The following COPS6 variants were observed in gnomAD, a reference collection of about 807,000 sequenced individuals.
COPS6 encodes the protein COP9 signalosome subunit 6.
A neutral mutation model predicts 41.0 loss-of-function variants in COPS6; 9 were observed. That is an observed-to-expected ratio of 0.22 (90% CI 0.13 to 0.38). The LOEUF is 0.38. Ranked by LOEUF, COPS6 falls within the 10% of genes least tolerant of loss-of-function variation. COPS6 has a pLI of 1.00. For synonymous variants in COPS6, 179 were observed against 162.9 expected (o/e 1.10, Z -0.75); for missense variants, 302 against 436.7 (o/e 0.69, Z 2.75).
chr7:100,089,449 C>T (rs754138783), intron 2 of COPS6, 34 bp downstream of exon 2: 1 of 1,613,220 alleles, frequency 6.2e-7, no homozygotes, highest in East Asian at 2.2e-5. Context: ...GTCTCTTCTC[C>T]TTGCTCACCT....
chr7:100,091,490 C>G lies in COPS6; in HGVS notation c.813C>G (p.Ser271Arg). 6.2e-7 allele frequency: 1 copy of G among 1,614,198 alleles called. No homozygotes were observed. The highest frequency in any genetic ancestry group is 1.1e-5 in the South Asian group (1 of 91,092). ...TGTGTCACTGTCTCCCGGTGCTCAG[C>G]ACAGACAAGTTCAAGACAGATTTTT... ...YALCHCLPVL[S>R]TDKFKTDFYD... The change falls in exon 9 of 10, where the codon AGC becomes AGG. Residue 271 changes from serine (S) to arginine (R), a missense_variant. Ser to Arg is a moderately radical substitution (Grantham distance 110). This residue lies in a region of COPS6 where 222 missense variants were observed against 309.0 expected (regional missense o/e 0.72). Coordinates refer to ENST00000303904, the MANE Select transcript of COPS6 (RefSeq NM_006833.5). This position sits in a 1 kb window ranked among gnomAD's most constrained non-coding sequence, Gnocchi z 4.1.
chr7:100,091,021 G>A lies in COPS6; in HGVS notation c.535-17G>A. The stretch of plus-strand genomic sequence containing the variant: ...CCTGCTTTTGATTCTCCCTTTGTGG[G>A]TTACCTTGCCCTGTAGGCCACAATG... On this transcript the variant is annotated splice_polypyrimidine_tract_variant and intron_variant, in intron 6 of 9. Transcript: ENST00000303904. The surrounding 1 kb of genome is among the most constrained non-coding windows in gnomAD (Gnocchi z 4.1). 6.2e-7 allele frequency: 1 copy of A among 1,613,978 alleles called. No homozygotes were observed. The highest frequency in any genetic ancestry group is 1.1e-5 in the South Asian group (1 of 91,072).
Position 100,091,204 on chromosome 7 carries a change from G to C in COPS6, c.650-34G>C, listed in dbSNP as rs370980234. 77 of 1,613,620 alleles carry C rather than the reference G, an allele frequency of 4.8e-5. No individual in the cohort carries two copies. Among genetic ancestry groups the C allele is most frequent in the Middle Eastern group, 1.6e-4 (1 of 6,084 alleles). ...GGGTTGGAAGGTGTGGCCACATCCCGTCTCAACCTCCTCCTGTCCTCATCC... is the reference window on the plus strand; with the variant it reads ...GGGTTGGAAGGTGTGGCCACATCCCCTCTCAACCTCCTCCTGTCCTCATCC... On this transcript the variant is annotated intron_variant, in intron 7 of 9. Coordinates refer to ENST00000303904, the MANE Select transcript of COPS6 (RefSeq NM_006833.5). This position sits in a 1 kb window ranked among gnomAD's most constrained non-coding sequence, Gnocchi z 4.1.
At position 100,091,101 on chromosome 7, in the gene COPS6, G is replaced by T; in HGVS notation, c.598G>T (p.Val200Leu). The T allele has an allele frequency of 6.2e-7, 1 of 1,614,252 alleles. No individual in the cohort carries two copies. The highest frequency in any genetic ancestry group is 8.5e-7 in the Non-Finnish European group (1 of 1,180,040). ...CACAGAGGAAGCGGAACGCATTGGT[G>T]TAGACCACGTAGCCCGAATGACAGC... The part of the protein sequence containing the change: ...LATEEAERIG[V>L]DHVARMTATG... The change falls in exon 7 of 10, where the codon GTA becomes TTA. Residue 200 changes from valine (V) to leucine (L), a missense_variant. Transcript: ENST00000303904. This position sits in a 1 kb window ranked among gnomAD's most constrained non-coding sequence, Gnocchi z 4.1.
rs571882095 is a variant in COPS6, at chr7:100,088,992, T to TGGCGGC, written c.18_23dup (p.Ala9_Ala10dup). 6,910 of 1,309,556 alleles carry TGGCGGC rather than the reference T, an allele frequency of 5.3e-3. 38 individuals carry two copies. Among genetic ancestry groups the TGGCGGC allele is most frequent in the Middle Eastern group, 0.013 (62 of 4,910 alleles). 81.1% of individuals were successfully genotyped at this position (1,309,556 alleles called of 1,614,324 possible). On this transcript the variant is annotated inframe_insertion, in exon 1 of 10. Transcript: ENST00000303904. ...CCGAGGCTGGCGGGCGCGGGGAAAA[T>TGGCGGC]GGCGGCGGCGGCGGCGGCGGCTGCA...
intron 4 of COPS6, 28 bp downstream of exon 4, chr7:100,090,515 G>A (rs1261690445): frequency 6.2e-7 from 1 of 1,610,776 alleles, no homozygotes; most frequent in Non-Finnish European, 8.5e-7. Flanking sequence ...TGTGCATGCT[G>A]GGGCAGAGAA....
rs1795336872 is a variant in COPS6 at position 100,092,020 on chromosome 7, G to A, written c.*231G>A. ...GCCCTTCTGATGCTCTTCAGTGAGG[G>A]AGGCACTACCATTTGAAGTGACCCC... On this transcript the variant is annotated 3_prime_UTR_variant, in exon 10 of 10. Transcript: ENST00000303904. The A allele has an allele frequency of 1.8e-6, 1 of 568,068 alleles. No individual in the cohort carries two copies. The highest frequency in any genetic ancestry group is 3.1e-6 in the Non-Finnish European group (1 of 320,044). The allele number at this position is 568,068 out of a possible 1,614,324, so 35.2% of individuals were successfully genotyped here. A position where few individuals can be genotyped will look rare whatever the true frequency, so the allele number is the denominator to read the frequency against.
chr7:100,089,542 C>T lies in COPS6; in HGVS notation c.203-73C>T, dbSNP rs776811618. 1.3e-4 allele frequency: 200 copies of T among 1,598,080 alleles called. 1 individual carries two copies. Among genetic ancestry groups the T allele is most frequent in the Admixed American group, 3.7e-4 (21 of 57,016 alleles). On this transcript the variant is annotated intron_variant, in intron 2 of 9. Transcript: ENST00000303904. ...ATCATCGTTTCCCCAATACATGGTT[C>T]CCACTGATCTCAGACCCTCAGGTCA...
intron 3 of COPS6, chr7:100,089,958 G>A (rs1035432951): frequency 1.9e-6 from 1 of 525,172 alleles, no homozygotes; most frequent in Non-Finnish European, 3.4e-6. Context: ...GGATAGAAGG[G>A]AGTAGTTATT....
Position 100,091,609 on chromosome 7 carries a change from G to C in COPS6, c.844-40G>C. The C allele has an allele frequency of 1.2e-6, 2 of 1,613,934 alleles. No homozygotes were observed. Among genetic ancestry groups the C allele is most frequent in the Non-Finnish European group, 1.7e-6 (2 of 1,179,850 alleles). On this transcript the variant is annotated intron_variant, in intron 9 of 9. Coordinates refer to ENST00000303904, the MANE Select transcript of COPS6 (RefSeq NM_006833.5). This position sits in a 1 kb window ranked among gnomAD's most constrained non-coding sequence, Gnocchi z 4.1. ...GACTGTTGTTCCCCGGGCATGCCAC[G>C]AGGGATCCCGAGGAACTGGTCCTTT... is the stretch of plus-strand genomic sequence containing the variant.
At chr7:100,089,568 T>C (rs74881871) in intron 2 of COPS6, 47 bp from the exon 3 acceptor site, 4 of 1,603,910 alleles carry the variant, frequency 2.5e-6, no homozygotes, top group African/African-American at 1.3e-5. Context: ...CCTCAGGTCA[T>C]AGAAGTTTCT....
intron 4 of COPS6, 51 bp downstream of exon 4, chr7:100,090,538 G>A: frequency 6.2e-7 from 1 of 1,609,992 alleles, no homozygotes; most frequent in Non-Finnish European, 8.5e-7. Context: ...GAGAATGAGG[G>A]GAAGGAGAAA....
rs1795298581 is a variant in COPS6 at position 100,090,494 on chromosome 7, A to G, written c.423+7A>G. 3 of 1,612,904 alleles carry G rather than the reference A, an allele frequency of 1.9e-6. No homozygotes were observed. The highest frequency in any genetic ancestry group is 2.5e-6 in the Non-Finnish European group (3 of 1,178,862). On this transcript the variant is annotated splice_region_variant and intron_variant, in intron 4 of 9. Coordinates refer to ENST00000303904, the MANE Select transcript of COPS6 (RefSeq NM_006833.5). ...CATCCACGTCCATAAGCAGGTATGC[A>G]TGCTCACACCTGTGCATGCTGGGGC...
At chr7:100,090,117 A>G (rs1222302095) in intron 3 of COPS6, 3 of 465,000 alleles carry the variant, frequency 6.5e-6, no homozygotes, top group African/African-American at 2.0e-5. Context: ...TGGGAGGCCG[A>G]GGTGGGTGGA....
chr7:100,091,448 G>C lies in COPS6; in HGVS notation c.771G>C (p.Leu257=). 6.2e-7 allele frequency: 1 copy of C among 1,614,140 alleles called. No individual in the cohort carries two copies. The highest frequency in any genetic ancestry group is 8.5e-7 in the Non-Finnish European group (1 of 1,180,016). ...AGGTCCCCTTTAATCATGAGATCCT[G>C]CGGGAGGCCTATGCTCTGTGTCACT... ...AGEVPFNHEI[L]REAYALCHCL... Residue 257 remains leucine, a synonymous_variant, in exon 9 of 10, where the codon CTG becomes CTC. Coordinates refer to ENST00000303904, the MANE Select transcript of COPS6 (RefSeq NM_006833.5). The surrounding 1 kb of genome is among the most constrained non-coding windows in gnomAD (Gnocchi z 4.1).
At position 100,091,082 on chromosome 7, in the gene COPS6, G is replaced by A. The variant is rs747838841; in HGVS notation, c.579G>A (p.Glu193=). The A allele has an allele frequency of 1.2e-5, 19 of 1,614,130 alleles. No homozygotes were observed. In the South Asian group the frequency reaches 2.0e-4, roughly 17 times the overall value. Residue 193 remains glutamate, a synonymous_variant, in exon 7 of 10, where the codon GAG becomes GAA. Coordinates refer to ENST00000303904, the MANE Select transcript of COPS6 (RefSeq NM_006833.5). The surrounding 1 kb of genome is among the most constrained non-coding windows in gnomAD (Gnocchi z 4.1). Reference sequence around the variant, plus strand: ...AGCTGACCTACACTCTGGCCACAGAGGAAGCGGAACGCATTGGTGTAGACC... The same window carrying A: ...AGCTGACCTACACTCTGGCCACAGAAGAAGCGGAACGCATTGGTGTAGACC... ...FAELTYTLAT[E]EAERIGVDHV...
intron 3 of COPS6, chr7:100,090,165 T>C (rs564284757): frequency 1.5e-5 from 8 of 524,858 alleles, no homozygotes; most frequent in Admixed American, 6.5e-5. Flanking sequence ...CTGGCAAACA[T>C]AGTGAAACCC....
chr7:100,090,777 C>T, intron 5 of COPS6, 123 bp downstream of exon 5: 5 of 1,455,806 alleles, frequency 3.4e-6, no homozygotes, highest in Non-Finnish European at 4.8e-6. Context: ...GTCATTTAAT[C>T]TCCAAACTGT....
intron 3 of COPS6, 91 bp downstream of exon 3, chr7:100,089,837 G>A (rs1202005173): frequency 7.7e-7 from 1 of 1,304,826 alleles, no homozygotes; most frequent in Admixed American, 2.2e-5. Context: ...AAAGAAACAG[G>A]AGAGGAGACC....
Sources: gnomAD v4.1 joint callset for allele counts on GRCh38, gnomAD v4.1.1 for gene constraint, gnomAD v4.1.1 regional missense constraint, Gnocchi (gnomAD v3.1) non-coding constraint, MANE v1.5 for transcripts, NCBI Gene and HGNC (gene_info 2026-07-23, HGNC 2026-07-21) for gene names.